The following AGPAT3 variants were observed in gnomAD, a reference collection of about 807,000 sequenced individuals.
AGPAT3 encodes 1-acyl-sn-glycerol-3-phosphate acyltransferase gamma.
In AGPAT3, 5 loss-of-function variants were observed where a neutral mutation model predicts 47.3. The ratio of observed to expected loss-of-function variants is 0.11; its 90% CI spans 0.06 to 0.22. AGPAT3 has a LOEUF of 0.22. Ranked by LOEUF, AGPAT3 falls within the 10% of genes least tolerant of loss-of-function variation. The probability of loss-of-function intolerance (pLI) is 1.00; values close to 1 mark genes in which losing one functional copy is unlikely to be tolerated. For synonymous variants in AGPAT3, 212 were observed against 208.3 expected (o/e 1.02, Z -0.15); for missense variants, 315 against 493.0 (o/e 0.64, Z 3.42).
intron 2 of AGPAT3, among the ~76,000 whole-genome samples, chr21:43,917,471 G>A (rs2086757406): frequency 6.6e-6 from 1 of 152,218 alleles, no homozygotes; most frequent in Admixed American, 6.5e-5. Flanking sequence ...TTCTGCCTCT[G>A]TGTGACACAG....
rs1181237836 is a variant in AGPAT3, at chr21:43,985,320, C to T, written c.*2928C>T. ...TTAAGGTCCCTGTCCTCAGGAAGCG[C>T]AGTCTGGTGGAAGAGATGAGCGCTG... On this transcript the variant is annotated 3_prime_UTR_variant, in exon 10 of 10. Coordinates refer to ENST00000291572, the MANE Select transcript of AGPAT3 (RefSeq NM_020132.5). The T allele has an allele frequency of 2.4e-6, 1 of 415,546 alleles. No individual in the cohort carries two copies. Among genetic ancestry groups the T allele is most frequent in the Non-Finnish European group, 4.9e-6 (1 of 205,012 alleles). 25.7% of individuals were successfully genotyped at this position (415,546 alleles called of 1,614,324 possible).
intron 2 of AGPAT3, among the ~76,000 whole-genome samples, chr21:43,919,257 C>T (rs150868830): frequency 1.7e-3 from 67 of 39,936 alleles, no homozygotes; most frequent in African/African-American, 7.3e-3. Flanking sequence ...TTTTAGTGCA[C>T]CTGTCACCCG....
rs149377228 is a variant in AGPAT3 at position 43,893,313 on chromosome 21, C to T, written c.-111-10644C>T. ...CAGCTTCCTCAACTGTCTCAACCTT[C>T]ACAGAATTGAAGAGAGTAAGGGCCT... On this transcript the variant is annotated intron_variant, in intron 1 of 9. Coordinates refer to ENST00000291572, the MANE Select transcript of AGPAT3 (RefSeq NM_020132.5). 8.5e-5 allele frequency among the ~76,000 whole-genome samples: 13 copies of T among 152,338 alleles called. No homozygotes were observed. The East Asian group carries it at 2.5e-3, about 29-fold the overall frequency.
At chr21:43,971,825 C>G (rs1244349753) in intron 7 of AGPAT3, among the ~76,000 whole-genome samples, 6 of 152,244 alleles carry the variant, frequency 3.9e-5, no homozygotes, top group Non-Finnish European at 1.5e-5. Context: ...CCTTCTGCCT[C>G]CTTGGGAAGC....
At chr21:43,947,805 G>A (rs991380322) in intron 2 of AGPAT3, among the ~76,000 whole-genome samples, 2 of 151,356 alleles carry the variant, frequency 1.3e-5, no homozygotes, top group South Asian at 2.1e-4. Context: ...CACCACACCC[G>A]GCTAATTTTT....
rs138678949 is a variant in AGPAT3 at position 43,938,546 on chromosome 21, G to A, written c.-48-21088G>A. On this transcript the variant is annotated intron_variant, in intron 2 of 9. Transcript: ENST00000291572. The stretch of plus-strand genomic sequence containing the variant: ...TGACCTCAGGTGATCCACCAGCCTC[G>A]GCCTCCCACAGTGCTGGGATTACAG... Among the ~76,000 whole-genome samples, 238 of 152,004 alleles carry A rather than the reference G, an allele frequency of 1.6e-3. 1 individual carries two copies. The highest frequency in any genetic ancestry group is 1.8e-3 in the Non-Finnish European group (125 of 67,980).
At chr21:43,919,513 T>C (rs189909595) in intron 2 of AGPAT3, among the ~76,000 whole-genome samples, 41 of 152,368 alleles carry the variant, frequency 2.7e-4, no homozygotes, top group Non-Finnish European at 2.6e-4. Flanking sequence ...GTGGTGTATA[T>C]GGACCACGTG....
At chr21:43,909,442 C>A (rs1412372303) in intron 2 of AGPAT3, among the ~76,000 whole-genome samples, 1 of 152,082 alleles carries the variant, frequency 6.6e-6, no homozygotes, top group Admixed American at 6.5e-5. Context: ...ACTACAGGCG[C>A]CTGCCACCAT....
At chr21:43,977,170 A>G (rs2146888105) in intron 7 of AGPAT3, among the ~76,000 whole-genome samples, 1 of 152,358 alleles carries the variant, frequency 6.6e-6, no homozygotes, top group South Asian at 2.1e-4. Context: ...GTAGATTAGC[A>G]CTTAATCTTG....
At chr21:43,891,420 T>C (rs1230227353) in intron 1 of AGPAT3, among the ~76,000 whole-genome samples, 4 of 151,900 alleles carry the variant, frequency 2.6e-5, no homozygotes, top group Non-Finnish European at 5.9e-5. Context: ...GATCACGAGG[T>C]TAGGAGATTG....
chr21:43,917,141 G>A (rs1262266641), intron 2 of AGPAT3, among the ~76,000 whole-genome samples: 3 of 152,108 alleles, frequency 2.0e-5, no homozygotes. Context: ...CATTTGCTGG[G>A]TTGTCCTCAA....
chr21:43,929,146 T>A (rs967490213), intron 2 of AGPAT3, among the ~76,000 whole-genome samples: 1 of 152,180 alleles, frequency 6.6e-6, no homozygotes. Flanking sequence ...ACTGCTCCCG[T>A]AGTGGGTGCC....
At chr21:43,893,424 A>G (rs566980424) in intron 1 of AGPAT3, among the ~76,000 whole-genome samples, 2 of 152,360 alleles carry the variant, frequency 1.3e-5, no homozygotes, top group South Asian at 2.1e-4. Flanking sequence ...CCATATCAGC[A>G]ATAACGCTGT....
In AGPAT3 at chr21:43,955,478, G is replaced by C. The variant is rs1010833312; in HGVS notation, c.-48-4156G>C. Among the ~76,000 whole-genome samples the C allele has an allele frequency of 6.6e-6, 1 of 152,034 alleles. No individual in the cohort carries two copies. Among genetic ancestry groups the C allele is most frequent in the African/African-American group, 2.4e-5 (1 of 41,424 alleles). ...AGTTTCACTCTTGTCACCCAGGCTGGAGTGCAGTGGTGCGATCTCAGCTCA... is the reference window on the plus strand; with the variant it reads ...AGTTTCACTCTTGTCACCCAGGCTGCAGTGCAGTGGTGCGATCTCAGCTCA... On this transcript the variant is annotated intron_variant, in intron 2 of 9. Transcript: ENST00000291572. The surrounding 1 kb of genome is among the most constrained non-coding windows in gnomAD (Gnocchi z 4.1).
At position 43,986,953 on chromosome 21, in the gene AGPAT3, A is replaced by G. The variant is rs1314903331; in HGVS notation, c.*4561A>G. On this transcript the variant is annotated 3_prime_UTR_variant, in exon 10 of 10. Transcript: ENST00000291572. ...GGTGAGGGCTGCTAACTTACACTTC[A>G]GAGGCCTGTGTCCCAAAGGCCTGGC... is the stretch of plus-strand genomic sequence containing the variant. Among the ~76,000 whole-genome samples the G allele has an allele frequency of 6.6e-6, 1 of 152,212 alleles. No homozygotes were observed. The highest frequency in any genetic ancestry group is 1.5e-5 in the Non-Finnish European group (1 of 68,040).
chr21:43,931,771 T>C (rs2087252443), intron 2 of AGPAT3, among the ~76,000 whole-genome samples: 1 of 152,190 alleles, frequency 6.6e-6, no homozygotes, highest in Admixed American at 6.5e-5. Context: ...AGAGGTCTTA[T>C]GCCAAAATCC....
Position 43,954,332 on chromosome 21 carries a change from G to A in AGPAT3, c.-48-5302G>A, listed in dbSNP as rs1252141413. Among the ~76,000 whole-genome samples the A allele has an allele frequency of 2.6e-5, 4 of 152,180 alleles. No homozygotes were observed. The highest frequency in any genetic ancestry group is 5.9e-5 in the Non-Finnish European group (4 of 68,030). On this transcript the variant is annotated intron_variant, in intron 2 of 9. Coordinates refer to ENST00000291572, the MANE Select transcript of AGPAT3 (RefSeq NM_020132.5). The surrounding 1 kb of genome is among the most constrained non-coding windows in gnomAD (Gnocchi z 4.0). ...GGCTGGGTGTGGGGAGGTGGAACAG[G>A]GTACCTGCGAGGTCTGTGAGTGAAA...
chr21:43,871,069 C>T (rs899351187), intron 1 of AGPAT3, among the ~76,000 whole-genome samples: 1 of 152,250 alleles, frequency 6.6e-6, no homozygotes, highest in Non-Finnish European at 1.5e-5. Flanking sequence ...ACAAACTGCA[C>T]ACGCCAAATT....
At chr21:43,905,161 ATT>A (rs954122867) in intron 2 of AGPAT3, among the ~76,000 whole-genome samples, 2 of 99,598 alleles carry the variant, frequency 2.0e-5, no homozygotes, top group African/African-American at 1.5e-4. Context: ...AAAAATATTT[ATT>A]TATTTATTTA....
Sources: allele counts gnomAD v4.1 joint callset (sites outside exome capture counted in the v4.1 genomes callset), GRCh38; gene constraint gnomAD v4.1.1; non-coding constraint Gnocchi (gnomAD v3.1); transcripts MANE v1.5; gene names NCBI Gene and HGNC (gene_info 2026-07-23, HGNC 2026-07-21).